PARVG: variants seen among roughly 807,000 people sequenced by gnomAD.
The protein encoded by PARVG is parvin gamma, also known as gamma-parvin.
A neutral mutation model predicts 44.4 loss-of-function variants in PARVG; 36 were observed. The observed-to-expected ratio is 0.81, with a 90% CI of 0.62 to 1.07. The LOEUF (loss-of-function observed/expected upper bound fraction) is 1.07. Ranked by LOEUF, PARVG falls within the 50% of genes least tolerant of loss-of-function variation. The pLI, the probability that PARVG is intolerant of heterozygous loss-of-function variation, is 0.00. For synonymous variants in PARVG, 170 were observed against 174.1 expected, an observed-to-expected ratio of 0.98 and a Z score of 0.19; for missense variants, 407 against 407.4, an observed-to-expected ratio of 1.00 and a Z score of 0.01.
chr22:44,176,037 T>A (rs2054316300), upstream of PARVG, among the ~76,000 whole-genome samples: 2 of 152,202 alleles, frequency 1.3e-5, no homozygotes, highest in Admixed American at 6.5e-5. Context: ...CACAGGGTTC[T>A]GATGTTCTCG....
At chr22:44,188,920 A>G in intron 5 of PARVG, 194 bp from the exon 6 acceptor site, 1 of 655,684 alleles carries the variant, frequency 1.5e-6, no homozygotes, top group East Asian at 2.8e-5. Context: ...TTCTGTGTAG[A>G]TGAGGGTCTC....
intron 11 of PARVG, among the ~76,000 whole-genome samples, chr22:44,197,601 C>T (rs2054636080): frequency 1.3e-5 from 2 of 152,222 alleles, no homozygotes; most frequent in African/African-American, 4.8e-5. Context: ...ACACATTTCC[C>T]TCCTGCCTCC....
In PARVG at chr22:44,205,817, G is replaced by A; in HGVS notation, c.874G>A (p.Val292Ile). 6.2e-7 allele frequency: 1 copy of A among 1,613,296 alleles called. No homozygotes were observed. Among genetic ancestry groups the A allele is most frequent in the South Asian group, 1.1e-5 (1 of 91,032 alleles). Residue 292 changes from valine to isoleucine, a missense_variant, in exon 13 of 14, where the codon GTC becomes ATC. Val to Ile is a conservative substitution (Grantham distance 29). Transcript: ENST00000444313. ...LKDEGLLSCP[V>I]SPEDIVNKDA... is the part of the protein sequence containing the mutation. ...GGACGAGGGCCTGCTCAGCTGCCCT[G>A]TCAGCCCTGAAGGTGAGTGCAAGGC...
intron 3 of PARVG, 21 bp downstream of exon 3, chr22:44,183,429 G>T: frequency 6.4e-7 from 1 of 1,568,510 alleles, no homozygotes. Context: ...ACGCAGGTCT[G>T]AGGGTGGAGG....
In PARVG at chr22:44,181,148, C is replaced by A. The variant is rs1269997335; in HGVS notation, c.-226C>A. The A allele has an allele frequency of 7.5e-6, 3 of 399,890 alleles. No individual in the cohort carries two copies. The highest frequency in any genetic ancestry group is 6.8e-6 in the Non-Finnish European group (2 of 294,664). 24.8% of individuals were successfully genotyped at this position (399,890 alleles called of 1,614,324 possible). A position where few individuals can be genotyped will look rare whatever the true frequency, so the allele number is the denominator to read the frequency against. ...AACAACCACCACCAATATTTATTCACTGAGCCCACTTTGTGCCAAGCATTG... is the reference window on the plus strand; with the variant it reads ...AACAACCACCACCAATATTTATTCAATGAGCCCACTTTGTGCCAAGCATTG... On this transcript the variant is annotated 5_prime_UTR_variant, in exon 1 of 14. The change creates a new upstream start codon in the 5' untranslated region. Transcript: ENST00000444313.
In PARVG at chr22:44,188,001, G is replaced by A. The variant is rs1331347448; in HGVS notation, c.247+123G>A. 4.0e-6 allele frequency: 4 copies of A among 989,328 alleles called. No homozygotes were observed. The African/African-American group carries it at 6.4e-5, about 16-fold the overall frequency. 61.3% of individuals were successfully genotyped at this position (989,328 alleles called of 1,614,324 possible). On this transcript the variant is annotated intron_variant, in intron 5 of 13. Coordinates refer to ENST00000444313, the MANE Select transcript of PARVG (RefSeq NM_022141.7). ...AATGGTCCCGGGTTTAGGGACACCT[G>A]TCTCACTTTCTAGATGGGCCTGGGC...
At chr22:44,189,777 C>T (rs896154071) in intron 6 of PARVG, among the ~76,000 whole-genome samples, 2 of 152,094 alleles carry the variant, frequency 1.3e-5, no homozygotes, top group Admixed American at 6.5e-5. Flanking sequence ...ATTAGCTGGG[C>T]GTGGTGGCCG....
chr22:44,181,633 C>G (rs1158731770), intron 1 of PARVG, 109 bp from the exon 2 acceptor site: 1 of 856,606 alleles, frequency 1.2e-6, no homozygotes, highest in East Asian at 1.2e-4. Context: ...CCTGCAGAAC[C>G]CCGGGGGCCC....
chr22:44,188,881 C>T (rs1445240040), intron 5 of PARVG: 1 of 571,364 alleles, frequency 1.8e-6, no homozygotes, highest in Non-Finnish European at 3.1e-6. Flanking sequence ...TTGCTCACAT[C>T]ATGTGGCCTG....
intron 11 of PARVG, among the ~76,000 whole-genome samples, chr22:44,197,118 G>C (rs2054629228): frequency 6.6e-6 from 1 of 152,188 alleles, no homozygotes; most frequent in Admixed American, 6.5e-5. Flanking sequence ...GGTTCTGCTG[G>C]GTGCTGGGGT....
intron 2 of PARVG, chr22:44,183,082 C>T (rs2054407749): frequency 9.7e-6 from 5 of 515,578 alleles, no homozygotes; most frequent in Middle Eastern, 5.0e-4. Context: ...CAAGCCTTTG[C>T]TTGGCTGTGC....
At chr22:44,196,463 G>C in intron 11 of PARVG, 48 bp downstream of exon 11, 1 of 1,603,020 alleles carries the variant, frequency 6.2e-7, no homozygotes, top group Non-Finnish European at 8.5e-7. Flanking sequence ...GCCACTGGCC[G>C]TAGGAAGGAA....
Position 44,181,724 on chromosome 22 carries a change from C to T in PARVG, c.-188-18C>T, listed in dbSNP as rs868859113. On this transcript the variant is annotated intron_variant, in intron 1 of 13. Transcript: ENST00000444313. ...GCTTCACTTTCACGGCATCCACCCC[C>T]CTCGGGCCCTGCCGCAGAGAGGAGG... 3.0e-6 allele frequency: 3 copies of T among 985,430 alleles called. No individual in the cohort carries two copies. Among genetic ancestry groups the T allele is most frequent in the Non-Finnish European group, 3.6e-6 (3 of 829,960 alleles). 61.0% of individuals were successfully genotyped at this position (985,430 alleles called of 1,614,324 possible). A position where few individuals can be genotyped will look rare whatever the true frequency, so the allele number is the denominator to read the frequency against.
chr22:44,183,004 G>T (rs969487728), intron 2 of PARVG: 2 of 379,902 alleles, frequency 5.3e-6, no homozygotes, highest in Admixed American at 5.0e-5. Flanking sequence ...TGGGTAGGGG[G>T]CTGGGGGCTG....
In PARVG at chr22:44,206,265, G is replaced by A. The variant is rs904316866; in HGVS notation, c.887-52G>A. 29 of 1,324,544 alleles carry A rather than the reference G, an allele frequency of 2.2e-5. No homozygotes were observed. The African/African-American group carries it at 2.3e-4, about 11-fold the overall frequency. 82.0% of individuals were successfully genotyped at this position (1,324,544 alleles called of 1,614,324 possible). A position where few individuals can be genotyped will look rare whatever the true frequency, so the allele number is the denominator to read the frequency against. On this transcript the variant is annotated intron_variant, in intron 13 of 13. Coordinates refer to ENST00000444313, the MANE Select transcript of PARVG (RefSeq NM_022141.7). Reference sequence around the variant, plus strand: ...AAACCTTGACCACATCGGGACAGTCGGTCACTGCCACCCAGGCCTGACTGG... The same window carrying A: ...AAACCTTGACCACATCGGGACAGTCAGTCACTGCCACCCAGGCCTGACTGG...
At chr22:44,197,805 G>A (rs1003255817) in intron 11 of PARVG, among the ~76,000 whole-genome samples, 15 of 152,110 alleles carry the variant, frequency 9.9e-5, no homozygotes, top group African/African-American at 3.6e-4. Flanking sequence ...GCACGCTGCC[G>A]GCATGAAATA....
chr22:44,179,271 G>A (rs140181076), upstream of PARVG, among the ~76,000 whole-genome samples: 975 of 152,258 alleles, frequency 6.4e-3, 8 homozygotes, highest in Middle Eastern at 0.017. The surrounding 1 kb of genome is among the most constrained non-coding windows in gnomAD (Gnocchi z 4.2). Flanking sequence ...CACACAAGAG[G>A]CTTTGTGAGT....
At chr22:44,200,159 G>T (rs1002716715) in intron 12 of PARVG, among the ~76,000 whole-genome samples, 1 of 152,192 alleles carries the variant, frequency 6.6e-6, no homozygotes, top group Non-Finnish European at 1.5e-5. Context: ...TCCCATCTCT[G>T]GGCTTTGCCA....
At chr22:44,173,911 G>A (rs1351119625) in intron 1 of PARVG, among the ~76,000 whole-genome samples, 16 of 152,204 alleles carry the variant, frequency 1.1e-4, no homozygotes, top group Admixed American at 1.3e-4. Context: ...AGGTTGGGAA[G>A]CCCTGCAGTA....
Sources: allele counts gnomAD v4.1 joint callset (sites outside exome capture counted in the v4.1 genomes callset), GRCh38; gene constraint gnomAD v4.1.1; non-coding constraint Gnocchi (gnomAD v3.1); transcripts MANE v1.5; gene names NCBI Gene and HGNC (gene_info 2026-07-23, HGNC 2026-07-21).